The following ARID1A variants were observed in gnomAD, a reference collection of about 807,000 sequenced individuals.
ARID1A encodes AT-rich interaction domain 1A, also known as AT-rich interactive domain-containing protein 1A.
A neutral mutation model predicts 212.6 loss-of-function variants in ARID1A; 20 were observed. The observed-to-expected ratio is 0.09, with a 90% CI of 0.07 to 0.14. The LOEUF (loss-of-function observed/expected upper bound fraction) is 0.14. Ranked by LOEUF, ARID1A falls within the 10% of genes least tolerant of loss-of-function variation. The pLI is 1.00. For synonymous variants in ARID1A, 1,376 were observed against 1,222.1 expected (o/e 1.13, Z -2.63); for missense variants, 2,587 against 3,059.0 (o/e 0.85, Z 3.64).
chr1:26,726,330 C>A (rs1335254413), intron 1 of ARID1A, among the ~76,000 whole-genome samples: 1 of 152,116 alleles, frequency 6.6e-6, no homozygotes, highest in Non-Finnish European at 1.5e-5. Context: ...TGTGCCGCCA[C>A]ACCCAGCTAA....
At chr1:26,754,582 C>T (rs948914459) in intron 4 of ARID1A, among the ~76,000 whole-genome samples, 1 of 152,160 alleles carries the variant, frequency 6.6e-6, no homozygotes, top group Non-Finnish European at 1.5e-5. Flanking sequence ...AAACTGAAGC[C>T]TGACTTGTTG....
At chr1:26,715,945 G>A (rs564133133) in intron 1 of ARID1A, among the ~76,000 whole-genome samples, 3 of 152,034 alleles carry the variant, frequency 2.0e-5, no homozygotes, top group South Asian at 2.1e-4. Context: ...GGTGGCTCAC[G>A]CCTGTAATCC....
chr1:26,740,871 A>G (rs749562640), intron 4 of ARID1A, among the ~76,000 whole-genome samples: 9 of 152,192 alleles, frequency 5.9e-5, no homozygotes, highest in African/African-American at 9.7e-5. Context: ...GACTGAGAAT[A>G]AGTGGGTTCT....
chr1:26,771,085 GAT>G lies in ARID1A; in HGVS notation c.3199-30_3199-29del. The G allele has an allele frequency of 6.2e-7, 1 of 1,606,146 alleles. No homozygotes were observed. Among genetic ancestry groups the G allele is most frequent in the Non-Finnish European group, 8.5e-7 (1 of 1,172,832 alleles). On this transcript the variant is annotated intron_variant, in intron 11 of 19. Coordinates refer to ENST00000324856, the MANE Select transcript of ARID1A (RefSeq NM_006015.6). The surrounding 1 kb of genome is among the most constrained non-coding windows in gnomAD (Gnocchi z 5.4). ...TTATGGGCAGGAAAACCAGGCGGGA[GAT>G]ATACCTCGACTCCTTTGGTTTGGTT...
At chr1:26,754,347 A>T (rs1260975285) in intron 4 of ARID1A, among the ~76,000 whole-genome samples, 2 of 151,374 alleles carry the variant, frequency 1.3e-5, no homozygotes, top group East Asian at 3.9e-4. Flanking sequence ...TGCCCTTACC[A>T]CTCCCTCCCA....
chr1:26,705,494 G>A (rs143208252), intron 1 of ARID1A, among the ~76,000 whole-genome samples: 31 of 150,916 alleles, frequency 2.1e-4, no homozygotes, highest in African/African-American at 7.5e-4. Flanking sequence ...TGAAAGTACT[G>A]GAGTCTTGGA....
At chr1:26,731,128 A>T (rs1257078990) in intron 2 of ARID1A, 24 bp from the exon 3 acceptor site, 4 of 1,600,760 alleles carry the variant, frequency 2.5e-6, no homozygotes, top group Non-Finnish European at 2.6e-6. Flanking sequence ...GTCAGTGCTA[A>T]AAGTATATTT....
At position 26,768,456 on chromosome 1, in the gene ARID1A, G is replaced by A. The variant is rs147069450; in HGVS notation, c.3198+457G>A. Among the ~76,000 whole-genome samples the A allele has an allele frequency of 2.0e-5, 3 of 152,240 alleles. No homozygotes were observed. The East Asian group carries it at 5.8e-4, about 29-fold the overall frequency. ...GTAACAGTATATAACCCACTAGACTGTCAAAAGTTAGAAATAACTTTGGCT... is the reference window on the plus strand; with the variant it reads ...GTAACAGTATATAACCCACTAGACTATCAAAAGTTAGAAATAACTTTGGCT... On this transcript the variant is annotated intron_variant, in intron 11 of 19. Coordinates refer to ENST00000324856, the MANE Select transcript of ARID1A (RefSeq NM_006015.6).
In ARID1A at chr1:26,696,728, C is replaced by T. The variant is rs1406378335; in HGVS notation, c.325C>T (p.Pro109Ser). The change falls in exon 1 of 20, where the codon CCT becomes TCT. Residue 109 changes from proline (P) to serine (S), a missense_variant. This residue lies in a region of ARID1A where 735 missense variants were observed against 590.6 expected (regional missense o/e 1.24). Coordinates refer to ENST00000324856, the MANE Select transcript of ARID1A (RefSeq NM_006015.6). ...DLKNSNGNAGPRPALNNNLTE... is the reference protein window; with the variant it reads ...DLKNSNGNAGSRPALNNNLTE... The stretch of plus-strand genomic sequence containing the variant: ...GAAGAACTCGAACGGGAACGCGGGC[C>T]CTAGGCCCGCCCTGAACAATAACCT... 2.0e-5 allele frequency: 27 copies of T among 1,374,916 alleles called. No homozygotes were observed. In the East Asian group the frequency reaches 2.2e-4, roughly 11 times the overall value. 85.2% of individuals were successfully genotyped at this position (1,374,916 alleles called of 1,614,324 possible). A position where few individuals can be genotyped will look rare whatever the true frequency, so the allele number is the denominator to read the frequency against.
chr1:26,760,813 C>T (rs370005992), intron 4 of ARID1A, 43 bp from the exon 5 acceptor site: 13 of 1,559,308 alleles, frequency 8.3e-6, no homozygotes, highest in South Asian at 1.1e-5. Flanking sequence ...TAGAATCTTT[C>T]TGCCTAATAT....
chr1:26,719,707 G>A (rs2080541460), intron 1 of ARID1A, among the ~76,000 whole-genome samples: 1 of 151,878 alleles, frequency 6.6e-6, no homozygotes, highest in Admixed American at 6.6e-5. Context: ...TTGGGAGGCT[G>A]AGGCGGGCAG....
chr1:26,720,470 C>G (rs2080551685), intron 1 of ARID1A, among the ~76,000 whole-genome samples: 1 of 149,880 alleles, frequency 6.7e-6, no homozygotes, highest in Non-Finnish European at 1.5e-5. Context: ...AAACAAGACT[C>G]CATCTCAAAA....
chr1:26,710,179 C>T (rs1420735074), intron 1 of ARID1A, among the ~76,000 whole-genome samples: 4 of 147,652 alleles, frequency 2.7e-5, no homozygotes, highest in African/African-American at 7.4e-5. Context: ...CTCATGCCTG[C>T]CATCCCAGCA....
chr1:26,778,896 T>C (rs2081162730), intron 19 of ARID1A, 127 bp from the exon 20 acceptor site: 1 of 931,424 alleles, frequency 1.1e-6, no homozygotes, highest in African/African-American at 1.6e-5. Flanking sequence ...GTGGAGAACC[T>C]TTGGGAAAGG....
chr1:26,773,957 A>G (rs2124115783), intron 17 of ARID1A, 59 bp downstream of exon 17: 1 of 1,559,338 alleles, frequency 6.4e-7, no homozygotes, highest in Non-Finnish European at 8.8e-7. Flanking sequence ...ACTAGTTAGT[A>G]AACTAATCTA....
At position 26,774,318 on chromosome 1, in the gene ARID1A, C is replaced by T. The variant is rs2124116831; in HGVS notation, c.4102-11C>T. The T allele has an allele frequency of 6.6e-7, 1 of 1,526,714 alleles. No homozygotes were observed. The highest frequency in any genetic ancestry group is 8.8e-7 in the Non-Finnish European group (1 of 1,137,060). The allele number at this position is 1,526,714 out of a possible 1,614,324, so 94.6% of individuals were successfully genotyped here. On this transcript the variant is annotated splice_polypyrimidine_tract_variant and intron_variant, in intron 17 of 19. Transcript: ENST00000324856. The surrounding 1 kb of genome is among the most constrained non-coding windows in gnomAD (Gnocchi z 5.6). ...GAGTATTAACTTCCCCTCTGCTTGT[C>T]TCTGCCTTAGAATTACAAGCGGCCA...
At chr1:26,738,700 A>G (rs578188541) in intron 4 of ARID1A, among the ~76,000 whole-genome samples, 6 of 151,280 alleles carry the variant, frequency 4.0e-5, no homozygotes, top group African/African-American at 1.5e-4. Flanking sequence ...CTGGGATTAC[A>G]GGTGTGCGCC....
At chr1:26,759,502 G>A (rs1004971652) in intron 4 of ARID1A, among the ~76,000 whole-genome samples, 3 of 152,240 alleles carry the variant, frequency 2.0e-5, no homozygotes, top group South Asian at 2.1e-4. Flanking sequence ...GCCACTGCGC[G>A]TGGCCCAGTG....
At position 26,773,795 on chromosome 1, in the gene ARID1A, C is replaced by G. The variant is rs766983417; in HGVS notation, c.4005-7C>G. On this transcript the variant is annotated splice_region_variant and splice_polypyrimidine_tract_variant and intron_variant, in intron 16 of 19. Transcript: ENST00000324856. Reference sequence around the variant, plus strand: ...ACCCTAATCCTGTGTTTCTTTGCCTCCTATAGACATGATTCCTATGGCAAT... The same window carrying G: ...ACCCTAATCCTGTGTTTCTTTGCCTGCTATAGACATGATTCCTATGGCAAT... 2.5e-6 allele frequency: 4 copies of G among 1,614,214 alleles called. No individual in the cohort carries two copies. In the South Asian group the frequency reaches 4.4e-5, roughly 18 times the overall value.
Sources: allele counts gnomAD v4.1 joint callset (sites outside exome capture counted in the v4.1 genomes callset), GRCh38; gene constraint gnomAD v4.1.1; regional missense constraint gnomAD v4.1.1; non-coding constraint Gnocchi (gnomAD v3.1); transcripts MANE v1.5; gene names NCBI Gene and HGNC (gene_info 2026-07-23, HGNC 2026-07-21).